Variants in ASH2L observed in about 807,000 individuals in gnomAD.
ASH2L encodes set1/Ash2 histone methyltransferase complex subunit ASH2.
Under a neutral mutation model 81.1 loss-of-function variants are expected in ASH2L, and 30 were observed. That is an observed-to-expected ratio of 0.37 (90% CI 0.28 to 0.50). The LOEUF (loss-of-function observed/expected upper bound fraction) is 0.50, where lower values mean the gene tolerates loss of function less well. ASH2L is among the 20% of genes least tolerant of loss of function. ASH2L has a pLI of 0.95. For missense variants in ASH2L, 559 were observed against 792.1 expected (o/e 0.71, Z 3.53); for synonymous variants, 273 against 279.9 (o/e 0.98, Z 0.24).
At chr8:38,125,042 C>T (rs1315348372) in intron 10 of ASH2L, among the ~76,000 whole-genome samples, 1 of 152,084 alleles carries the variant, frequency 6.6e-6, no homozygotes, top group Non-Finnish European at 1.5e-5. Context: ...AGTGAAAACT[C>T]ACTCACATCC....
At chr8:38,134,566 A>G (rs1020624301) in intron 13 of ASH2L, among the ~76,000 whole-genome samples, 1 of 152,194 alleles carries the variant, frequency 6.6e-6, no homozygotes, top group Non-Finnish European at 1.5e-5. Flanking sequence ...GTCATAGCAC[A>G]GTCAGAGAAA....
At chr8:38,117,988 G>C (rs1810977637) in intron 8 of ASH2L, among the ~76,000 whole-genome samples, 1 of 152,170 alleles carries the variant, frequency 6.6e-6, no homozygotes, top group African/African-American at 2.4e-5. Flanking sequence ...GAACCCAGGA[G>C]GCAGAGGTTG....
At chr8:38,135,851 C>A (rs755343451) in intron 14 of ASH2L, 85 bp downstream of exon 14, 3 of 1,056,642 alleles carry the variant, frequency 2.8e-6, no homozygotes, top group Non-Finnish European at 4.2e-6. Flanking sequence ...AGTGCTGGAA[C>A]GAAATCCAAG....
At chr8:38,125,363 G>A (rs1001909409) in intron 10 of ASH2L, among the ~76,000 whole-genome samples, 2 of 152,168 alleles carry the variant, frequency 1.3e-5, no homozygotes, top group Admixed American at 1.3e-4. Context: ...GCTCACGCCT[G>A]TAATCCCAGC....
At chr8:38,122,862 G>C (rs1801691038) in intron 10 of ASH2L, among the ~76,000 whole-genome samples, 1 of 152,018 alleles carries the variant, frequency 6.6e-6, no homozygotes, top group Non-Finnish European at 1.5e-5. Flanking sequence ...TCCTGCCTCA[G>C]CCTACTGAGT....
intron 14 of ASH2L, 71 bp from the exon 15 acceptor site, chr8:38,138,745 T>G (rs1192202919): frequency 1.5e-6 from 2 of 1,338,918 alleles, no homozygotes; most frequent in Non-Finnish European, 2.1e-6. Context: ...GAAAATTTCC[T>G]GTGTCAAATT....
At position 38,110,552 on chromosome 8, in the gene ASH2L, T is replaced by A. The variant is rs767924591; in HGVS notation, c.490+85T>A. The A allele has an allele frequency of 2.0e-4, 275 of 1,359,276 alleles. No individual in the cohort carries two copies. The Middle Eastern group carries it at 2.9e-3, about 14-fold the overall frequency. 84.2% of individuals were successfully genotyped at this position (1,359,276 alleles called of 1,614,324 possible). On this transcript the variant is annotated intron_variant, in intron 4 of 15. Transcript: ENST00000343823. Reference sequence around the variant, plus strand: ...GGGCGTAGCAGAATCAGGAGACCTTTGCCTAGTAGCTGGTATAAATTCAGT... The same window carrying A: ...GGGCGTAGCAGAATCAGGAGACCTTAGCCTAGTAGCTGGTATAAATTCAGT...
At chr8:38,127,052 A>G (rs1801876740) in intron 10 of ASH2L, among the ~76,000 whole-genome samples, 1 of 151,522 alleles carries the variant, frequency 6.6e-6, no homozygotes, top group Non-Finnish European at 1.5e-5. Context: ...AGTACCAACT[A>G]CTTGGGGGCT....
chr8:38,123,082 C>CTTTTTTTTT (rs59410420), intron 10 of ASH2L, among the ~76,000 whole-genome samples: 5 of 100,900 alleles, frequency 5.0e-5, no homozygotes, highest in Non-Finnish European at 7.1e-5. Context: ...TTCAGAATTT[C>CTTTTTTTTT]TTTTTTTTTT....
intron 10 of ASH2L, among the ~76,000 whole-genome samples, chr8:38,127,818 C>T (rs946783108): frequency 2.0e-5 from 3 of 148,204 alleles, no homozygotes; most frequent in Non-Finnish European, 3.0e-5. Flanking sequence ...GAGACCAAGG[C>T]GGGCAGATCA....
At chr8:38,136,960 C>T (rs1349833411) in intron 14 of ASH2L, among the ~76,000 whole-genome samples, 2 of 151,214 alleles carry the variant, frequency 1.3e-5, no homozygotes, top group African/African-American at 4.9e-5. Context: ...GATGTGATGG[C>T]CACGCGCCTA....
chr8:38,126,808 C>G, intron 10 of ASH2L, among the ~76,000 whole-genome samples: 2 of 140,800 alleles, frequency 1.4e-5, no homozygotes, highest in South Asian at 4.6e-4. Context: ...GAGCAGAGAT[C>G]GCGCCACTGC....
rs193203702 is a variant in ASH2L, at chr8:38,132,567, G to A, written c.1528-887G>A. Among the ~76,000 whole-genome samples the A allele has an allele frequency of 2.3e-3, 354 of 152,326 alleles. 2 individuals are homozygous for A. The highest frequency in any genetic ancestry group is 7.4e-3 in the African/African-American group (307 of 41,584). On this transcript the variant is annotated intron_variant, in intron 12 of 15. Transcript: ENST00000343823. ...TAATCCCAGCACTTTGGGAGGCTGA[G>A]GCGGGTGGATCACCTGAGGTCAGGA...
chr8:38,127,679 G>T (rs1422928906), intron 10 of ASH2L, among the ~76,000 whole-genome samples: 6 of 149,466 alleles, frequency 4.0e-5, no homozygotes, highest in Non-Finnish European at 8.9e-5. Flanking sequence ...GGAGGCGGAG[G>T]TTGCAGTGAG....
chr8:38,137,813 AAG>A (rs1554501791), intron 14 of ASH2L: 1 of 151,934 alleles, frequency 6.6e-6, no homozygotes, highest in East Asian at 1.9e-4. Flanking sequence ...AAAAAAAAAA[AAG>A]GAAATCTTTA....
chr8:38,107,108 C>T lies in ASH2L; in HGVS notation c.343C>T (p.Leu115=). ...ENGRQLGEVE[L]QCGICTKWFT... ...TGGCCGACAGTTGGGTGAGGTAGAG[C>T]TGCAATGTGGGATTTGTACAAAATG... Residue 115 remains leucine (L), a synonymous_variant, in exon 3 of 16, where the codon CTG becomes TTG. Transcript: ENST00000343823. 1 of 1,614,124 alleles carries T rather than the reference C, an allele frequency of 6.2e-7. No homozygotes were observed. Among genetic ancestry groups the T allele is most frequent in the Non-Finnish European group, 8.5e-7 (1 of 1,180,036 alleles).
intron 3 of ASH2L, among the ~76,000 whole-genome samples, chr8:38,107,895 T>TG (rs1810515886): frequency 6.7e-6 from 1 of 148,386 alleles, no homozygotes; most frequent in South Asian, 2.1e-4. Context: ...TGTGTGTGTG[T>TG]GTGTGTGTGT....
At chr8:38,117,589 A>G in intron 8 of ASH2L, 1 of 441,878 alleles carries the variant, frequency 2.3e-6, no homozygotes, top group African/African-American at 2.1e-5. Flanking sequence ...CATTATGAAA[A>G]TGGCGGCAAT....
At chr8:38,105,887 C>A (rs756110134) in intron 1 of ASH2L, 149 bp downstream of exon 1, 1 of 1,448,540 alleles carries the variant, frequency 6.9e-7, no homozygotes, top group Admixed American at 2.7e-5. Context: ...TGGCCCGTCC[C>A]CTCTCAAGCA....
Sources: allele counts gnomAD v4.1 joint callset (sites outside exome capture counted in the v4.1 genomes callset), GRCh38; gene constraint gnomAD v4.1.1; transcripts MANE v1.5; gene names NCBI Gene and HGNC (gene_info 2026-07-23, HGNC 2026-07-21).